Variants in VWC2 observed in about 807,000 individuals in gnomAD.
The protein encoded by VWC2 is von Willebrand factor C domain containing 2, also known as brorin.
A neutral mutation model predicts 29.8 loss-of-function variants in VWC2; 14 were observed. The observed-to-expected ratio is 0.47, with a 90% CI of 0.31 to 0.74. The LOEUF is 0.74. VWC2 is among the 30% of genes least tolerant of loss of function. The pLI is 0.05. For missense variants in VWC2, 457 were observed against 459.8 expected (o/e 0.99, Z 0.05); for synonymous variants, 213 against 199.0 (o/e 1.07, Z -0.59).
intron 3 of VWC2, among the ~76,000 whole-genome samples, chr7:49,894,824 T>C (rs1482781047): frequency 6.6e-6 from 1 of 152,194 alleles, no homozygotes; most frequent in Non-Finnish European, 1.5e-5. Flanking sequence ...AGCCTTATCA[T>C]CTGTTCAGCG....
chr7:49,911,210 G>C (rs1242853532), intron 3 of VWC2, among the ~76,000 whole-genome samples: 16 of 152,124 alleles, frequency 1.1e-4, no homozygotes, highest in Non-Finnish European at 1.5e-4. Context: ...TGGGCTGGGA[G>C]CGGTGGCTTA....
At chr7:49,892,198 T>C (rs1792171279) in intron 3 of VWC2, among the ~76,000 whole-genome samples, 1 of 151,076 alleles carries the variant, frequency 6.6e-6, no homozygotes, top group Non-Finnish European at 1.5e-5. Context: ...GCGCCCACCA[T>C]CACGCCCGGC....
intron 3 of VWC2, among the ~76,000 whole-genome samples, chr7:49,845,598 G>A (rs577342213): frequency 1.3e-5 from 2 of 152,302 alleles, no homozygotes; most frequent in East Asian, 3.9e-4. Context: ...GTGGCCAAGA[G>A]GACTTCCTAC....
At chr7:49,797,481 G>A (rs960563849) in intron 2 of VWC2, among the ~76,000 whole-genome samples, 1 of 152,208 alleles carries the variant, frequency 6.6e-6, no homozygotes, top group Non-Finnish European at 1.5e-5. Context: ...CTCAGATCCT[G>A]TTTAACTGCT....
At chr7:49,826,928 C>A (rs754582837) in intron 3 of VWC2, among the ~76,000 whole-genome samples, 1 of 151,792 alleles carries the variant, frequency 6.6e-6, no homozygotes, top group Admixed American at 6.6e-5. Flanking sequence ...TATATGAATT[C>A]GGTGTATTTT....
At chr7:49,874,430 A>G (rs1356557037) in intron 3 of VWC2, among the ~76,000 whole-genome samples, 1 of 151,692 alleles carries the variant, frequency 6.6e-6, no homozygotes, top group Admixed American at 6.6e-5. Flanking sequence ...AGGTGTGTAG[A>G]AGGCTGTACT....
intron 3 of VWC2, among the ~76,000 whole-genome samples, chr7:49,820,730 C>T (rs1789244472): frequency 6.6e-6 from 1 of 152,178 alleles, no homozygotes; most frequent in Non-Finnish European, 1.5e-5. Flanking sequence ...TTGACTCTTC[C>T]CCATCATTTA....
chr7:49,778,830 T>C (rs1788108200), intron 2 of VWC2, among the ~76,000 whole-genome samples: 2 of 152,168 alleles, frequency 1.3e-5, no homozygotes, highest in East Asian at 1.9e-4. Context: ...ACAAAGTACA[T>C]GGAAAATGAA....
At chr7:49,875,369 C>CAAAAAAAAAAAAAAAAAAAAAAAAAAAA (rs71018432) in intron 3 of VWC2, among the ~76,000 whole-genome samples, 1 of 19,016 alleles carries the variant, frequency 5.3e-5, no homozygotes, top group Non-Finnish European at 8.5e-5. Flanking sequence ...GATTCTGACT[C>CAAAAAAAAAAAAAAAAAAAAAAAAAAAA]AAAAAAAAAA....
At chr7:49,888,895 G>C (rs1478930918) in intron 3 of VWC2, among the ~76,000 whole-genome samples, 2 of 151,970 alleles carry the variant, frequency 1.3e-5, no homozygotes, top group Non-Finnish European at 2.9e-5. Context: ...TGGGGGACAA[G>C]AGCGAGACTT....
At chr7:49,874,784 C>G (rs1415339210) in intron 3 of VWC2, among the ~76,000 whole-genome samples, 2 of 152,110 alleles carry the variant, frequency 1.3e-5, no homozygotes, top group Non-Finnish European at 2.9e-5. Context: ...AGACCAGGAG[C>G]CTCACGTCTC....
At chr7:49,856,775 C>G (rs1790433533) in intron 3 of VWC2, among the ~76,000 whole-genome samples, 1 of 151,818 alleles carries the variant, frequency 6.6e-6, no homozygotes, top group East Asian at 1.9e-4. Flanking sequence ...ATTGGGAGGC[C>G]GAGGTGGGCG....
Position 49,802,781 on chromosome 7 carries a change from A to T in VWC2, c.767A>T (p.Gln256Leu). 6.2e-7 allele frequency: 1 copy of T among 1,614,216 alleles called. No homozygotes were observed. Among genetic ancestry groups the T allele is most frequent in the Non-Finnish European group, 8.5e-7 (1 of 1,180,036 alleles). The change falls in exon 3 of 4, where the codon CAG becomes CTG. Residue 256 changes from glutamine to leucine, a missense_variant. By Grantham distance (113) the Gln-to-Leu change is moderately radical (BLOSUM62 -2). Coordinates refer to ENST00000340652, the MANE Select transcript of VWC2 (RefSeq NM_198570.5). ...EVLCTVSACP[Q>L]TECVDPVYEP... The stretch of plus-strand genomic sequence containing the variant: ...CTATGCACAGTGTCAGCGTGTCCCC[A>T]GACGGAGTGTGTGGACCCTGTGTAC...
At chr7:49,855,628 T>C (rs950824133) in intron 3 of VWC2, among the ~76,000 whole-genome samples, 3 of 152,234 alleles carry the variant, frequency 2.0e-5, no homozygotes, top group African/African-American at 7.2e-5. Flanking sequence ...TGATCTGTGC[T>C]GCAGGAGAAT....
At chr7:49,812,629 G>A (rs562753814) in intron 3 of VWC2, among the ~76,000 whole-genome samples, 100 of 152,328 alleles carry the variant, frequency 6.6e-4, no homozygotes, top group Non-Finnish European at 1.2e-3. Context: ...AAGCAGAAGA[G>A]GTTCAGAAAG....
At chr7:49,812,576 G>T (rs1002852283) in intron 3 of VWC2, among the ~76,000 whole-genome samples, 2 of 152,144 alleles carry the variant, frequency 1.3e-5, no homozygotes, top group South Asian at 4.1e-4. Context: ...TTAAACTTAA[G>T]AGTTTATTTG....
chr7:49,798,258 A>T (rs1443484645), intron 2 of VWC2, among the ~76,000 whole-genome samples: 1 of 152,234 alleles, frequency 6.6e-6, no homozygotes, highest in Non-Finnish European at 1.5e-5. Context: ...GTCAAGGGAC[A>T]GGCAAATCTT....
chr7:49,842,967 C>T (rs773177319), intron 3 of VWC2, among the ~76,000 whole-genome samples: 14 of 152,204 alleles, frequency 9.2e-5, no homozygotes, highest in Non-Finnish European at 1.8e-4. Flanking sequence ...CTGTGTGATG[C>T]TGAGGTTTGG....
At chr7:49,882,162 T>C (rs1336481409) in intron 3 of VWC2, among the ~76,000 whole-genome samples, 1 of 152,154 alleles carries the variant, frequency 6.6e-6, no homozygotes, top group Non-Finnish European at 1.5e-5. Flanking sequence ...AATCAATATT[T>C]GTTCTCTTCT....
Sources: gnomAD v4.1 joint callset for allele counts (sites outside exome capture counted in the v4.1 genomes callset) on GRCh38, gnomAD v4.1.1 for gene constraint, MANE v1.5 for transcripts, NCBI Gene and HGNC (gene_info 2026-07-23, HGNC 2026-07-21) for gene names.